SMG6: variants seen among roughly 807,000 people sequenced by gnomAD.
SMG6 encodes SMG6 nonsense mediated mRNA decay factor.
Under a neutral mutation model 142.2 loss-of-function variants are expected in SMG6, and 66 were observed. That is an observed-to-expected ratio of 0.46 (90% CI 0.38 to 0.57). SMG6 has a LOEUF of 0.57. Ranked by LOEUF, SMG6 falls within the 20% of genes least tolerant of loss-of-function variation. The pLI is 0.00. For missense variants in SMG6, 1,793 were observed against 1,832.0 expected (o/e 0.98, Z 0.39); for synonymous variants, 779 against 702.4 (o/e 1.11, Z -1.72).
intron 13 of SMG6, among the ~76,000 whole-genome samples, chr17:2,112,287 G>A (rs553984187): frequency 2.4e-4 from 36 of 151,628 alleles, no homozygotes; most frequent in African/African-American, 8.0e-4. Flanking sequence ...GGTGGATCAC[G>A]AGGTCAGGAG....
chr17:2,148,765 A>G (rs1397045450), intron 13 of SMG6, among the ~76,000 whole-genome samples: 1 of 151,968 alleles, frequency 6.6e-6, no homozygotes, highest in Non-Finnish European at 1.5e-5. Context: ...AGGCTGAGGC[A>G]GGAGAATTGC....
chr17:2,068,796 G>A lies in SMG6; in HGVS notation c.3817C>T (p.Leu1273=). The stretch of plus-strand genomic sequence containing the variant: ...GACTCACCGATGAGGGGCACCACCA[G>A]GATGTACTTCCTGCTCTCCAGCAGC... The part of the protein sequence containing the change: ...ARLLESRKYI[L]VVPLIVINEL... Residue 1273 remains leucine (L), a synonymous_variant, in exon 16 of 19, where the codon CTG becomes TTG. Transcript: ENST00000263073. The surrounding 1 kb of genome is among the most constrained non-coding windows in gnomAD (Gnocchi z 6.7). 6.2e-7 allele frequency: 1 copy of A among 1,614,186 alleles called. No homozygotes were observed.
intron 8 of SMG6, 92 bp from the exon 9 acceptor site, chr17:2,244,811 A>T (rs894457259): frequency 1.9e-6 from 2 of 1,061,890 alleles, no homozygotes; most frequent in Non-Finnish European, 2.9e-6. Flanking sequence ...TAACCTGGCC[A>T]GGGTCTAAGG....
chr17:2,108,094 T>A (rs2069203035), intron 13 of SMG6, among the ~76,000 whole-genome samples: 1 of 152,086 alleles, frequency 6.6e-6, no homozygotes, highest in African/African-American at 2.4e-5. Context: ...GTTTTTTACA[T>A]CCAATGCCTC....
intron 10 of SMG6, among the ~76,000 whole-genome samples, chr17:2,225,604 T>C (rs2073293123): frequency 6.6e-6 from 1 of 152,102 alleles, no homozygotes; most frequent in South Asian, 2.1e-4. Flanking sequence ...TTATAGGGTT[T>C]AAAAGGAAAA....
intron 13 of SMG6, among the ~76,000 whole-genome samples, chr17:2,113,879 T>C (rs2069417542): frequency 1.3e-5 from 2 of 152,162 alleles, no homozygotes; most frequent in South Asian, 4.1e-4. Flanking sequence ...TATAAACCCA[T>C]GAAAGCACAA....
At chr17:2,065,398 G>T in intron 17 of SMG6, 70 bp downstream of exon 17, 1 of 1,485,702 alleles carries the variant, frequency 6.7e-7, no homozygotes, top group East Asian at 2.4e-5. Flanking sequence ...GCCTCCTTCA[G>T]CCCTTCCTTC....
intron 8 of SMG6, among the ~76,000 whole-genome samples, chr17:2,254,579 C>T (rs547773664): frequency 6.6e-5 from 10 of 152,260 alleles, no homozygotes; most frequent in Admixed American, 2.6e-4. Context: ...AAGTGATCTG[C>T]CCACCTCGGG....
chr17:2,241,224 C>G (rs1205169939), intron 9 of SMG6, among the ~76,000 whole-genome samples: 1 of 152,092 alleles, frequency 6.6e-6, no homozygotes, highest in Non-Finnish European at 1.5e-5. Context: ...TAAAAGAGAT[C>G]CTGAAAAATA....
rs758769758 is a variant in SMG6, at chr17:2,188,439, C to T, written c.2946G>A (p.Leu982=). The T allele has an allele frequency of 4.3e-6, 7 of 1,614,008 alleles. No individual in the cohort carries two copies. Among genetic ancestry groups the T allele is most frequent in the Admixed American group, 1.7e-5 (1 of 60,004 alleles). The change falls in exon 11 of 19, where the codon CTG becomes CTA. Residue 982 remains leucine (L), a synonymous_variant. Transcript: ENST00000263073. ...TAAGTAAGCAGGTGCAGCGGCGGAC[C>T]AGTAGAGAAAACATGGCCAAGCCCA... is the stretch of plus-strand genomic sequence containing the variant. ...AALGLAMFSL[L]VRRCTCLLKE... is the part of the protein sequence containing the mutation.
chr17:2,302,808 TG>T (rs2075313111), intron 1 of SMG6, among the ~76,000 whole-genome samples: 2 of 130,784 alleles, frequency 1.5e-5, no homozygotes, highest in African/African-American at 2.9e-5. Context: ...TGTAACTTGG[TG>T]GGGGGCGGGG....
chr17:2,228,545 T>A (rs1299571511), intron 10 of SMG6, among the ~76,000 whole-genome samples: 1 of 151,862 alleles, frequency 6.6e-6, no homozygotes, highest in South Asian at 2.1e-4. Context: ...GCATTTTTAA[T>A]GGAGGCAAGG....
intron 13 of SMG6, among the ~76,000 whole-genome samples, chr17:2,121,210 C>A (rs2069677248): frequency 6.6e-6 from 1 of 152,010 alleles, no homozygotes; most frequent in Admixed American, 6.6e-5. Flanking sequence ...TACAACTATT[C>A]ACAGCAACTT....
intron 15 of SMG6, among the ~76,000 whole-genome samples, chr17:2,075,326 G>A (rs1023094584): frequency 4.6e-5 from 7 of 152,120 alleles, no homozygotes; most frequent in African/African-American, 1.7e-4. Context: ...GGCGGGAAAG[G>A]GACAGGGGAG....
intron 13 of SMG6, among the ~76,000 whole-genome samples, chr17:2,107,775 G>T (rs141663297): frequency 6.6e-6 from 1 of 152,208 alleles, no homozygotes; most frequent in Admixed American, 6.5e-5. Context: ...AAGGCAGGTG[G>T]CATGTTCATG....
chr17:2,271,658 T>C (rs2074545488), intron 8 of SMG6, among the ~76,000 whole-genome samples: 1 of 151,918 alleles, frequency 6.6e-6, no homozygotes, highest in South Asian at 2.1e-4. Context: ...GAGATTGCAG[T>C]GAGCCGAGAT....
intron 13 of SMG6, among the ~76,000 whole-genome samples, chr17:2,095,699 A>G (rs1171847985): frequency 6.6e-6 from 1 of 152,204 alleles, no homozygotes; most frequent in Non-Finnish European, 1.5e-5. Flanking sequence ...CCAAGGGAGA[A>G]GAAAAGCTCC....
chr17:2,120,672 G>A (rs1167045075), intron 13 of SMG6, among the ~76,000 whole-genome samples: 1 of 152,212 alleles, frequency 6.6e-6, no homozygotes, highest in East Asian at 1.9e-4. Context: ...GCAGTGAGCT[G>A]TGATTGTGCC....
At position 2,071,262 on chromosome 17, in the gene SMG6, A is replaced by T. The variant is rs1306563443; in HGVS notation, c.3682-2331T>A. On this transcript the variant is annotated intron_variant, in intron 15 of 18. Coordinates refer to ENST00000263073, the MANE Select transcript of SMG6 (RefSeq NM_017575.5). The surrounding 1 kb of genome is among the most constrained non-coding windows in gnomAD (Gnocchi z 5.6). Reference sequence around the variant, plus strand: ...TGACTCTATCAAGGAAGTGGCTGCCATTTTTTTTTTTACCCTATGTGAACA... The same window carrying T: ...TGACTCTATCAAGGAAGTGGCTGCCTTTTTTTTTTTTACCCTATGTGAACA... Among the ~76,000 whole-genome samples, 4 of 145,662 alleles carry T rather than the reference A, an allele frequency of 2.7e-5. No individual in the cohort carries two copies. The highest frequency in any genetic ancestry group is 1.0e-4 in the African/African-American group (4 of 39,770).
Sources: gnomAD v4.1 joint callset for allele counts (sites outside exome capture counted in the v4.1 genomes callset) on GRCh38, gnomAD v4.1.1 for gene constraint, Gnocchi (gnomAD v3.1) non-coding constraint, MANE v1.5 for transcripts, NCBI Gene and HGNC (gene_info 2026-07-23, HGNC 2026-07-21) for gene names.